Variants in MCFD2 observed in about 807,000 individuals in gnomAD.
MCFD2 encodes multiple coagulation factor deficiency protein 2.
Under a neutral mutation model 12.8 loss-of-function variants are expected in MCFD2, and 11 were observed. That is an observed-to-expected ratio of 0.86 (90% CI 0.54 to 1.42). The LOEUF is 1.42. MCFD2 is among the 40% of genes most tolerant of loss of function. The pLI is 0.00. For missense variants in MCFD2, 191 were observed against 178.6 expected (o/e 1.07, Z -0.40); for synonymous variants, 70 against 68.1 (o/e 1.03, Z -0.14).
At chr2:46,928,800 A>G (rs1414383907) in intron 1 of MCFD2, among the ~76,000 whole-genome samples, 2 of 152,038 alleles carry the variant, frequency 1.3e-5, no homozygotes, top group Non-Finnish European at 2.9e-5. Context: ...TTGAAATCAT[A>G]TAAAGTTTAC....
intron 1 of MCFD2, among the ~76,000 whole-genome samples, chr2:46,939,464 A>C (rs1670149240): frequency 6.6e-6 from 1 of 152,150 alleles, no homozygotes; most frequent in African/African-American, 2.4e-5. Context: ...TGAGCCATGA[A>C]GACTGTTCCT....
At chr2:46,938,271 G>A (rs1670078259) in intron 1 of MCFD2, among the ~76,000 whole-genome samples, 1 of 152,088 alleles carries the variant, frequency 6.6e-6, no homozygotes, top group Non-Finnish European at 1.5e-5. Flanking sequence ...AAACGTAAAG[G>A]ACAACCTTAC....
chr2:46,941,825 C>A lies in MCFD2; in HGVS notation c.-261G>T, dbSNP rs1670429216. 1.4e-6 allele frequency: 2 copies of A among 1,448,822 alleles called. No individual in the cohort carries two copies. Among genetic ancestry groups the A allele is most frequent in the South Asian group, 2.6e-5 (2 of 77,866 alleles). 89.7% of individuals were successfully genotyped at this position (1,448,822 alleles called of 1,614,324 possible). On this transcript the variant is annotated 5_prime_UTR_variant, in exon 1 of 3. Transcript: ENST00000409147. This position sits in a 1 kb window ranked among gnomAD's most constrained non-coding sequence, Gnocchi z 4.2. ...GACAGTCCTCGGCCGACAGCGGGCG[C>A]CTGCCAGCCCACCGTGCTAGTCTTA...
intron 1 of MCFD2, among the ~76,000 whole-genome samples, chr2:46,936,051 A>G (rs527429099): frequency 4.6e-5 from 7 of 152,208 alleles, no homozygotes; most frequent in African/African-American, 1.7e-4. Context: ...TGATTGCACC[A>G]TAGCACTCCA....
intron 1 of MCFD2, among the ~76,000 whole-genome samples, chr2:46,911,035 AGGAAGAAACTTCCAG>A (rs1668465138): frequency 2.0e-5 from 3 of 152,242 alleles, no homozygotes; most frequent in Admixed American, 6.5e-5. Context: ...CACCAAAAAA[AGGAAGAAACTTCCAG>A]GGTGCTAAAA....
intron 1 of MCFD2, among the ~76,000 whole-genome samples, chr2:46,909,987 C>T (rs7598709): frequency 2.6e-4 from 39 of 152,216 alleles, no homozygotes; most frequent in African/African-American, 9.4e-4. Context: ...GCATGGTAGC[C>T]AAGGGAGTGG....
upstream of MCFD2, chr2:46,915,807 C>CGGGGGG: frequency 2.4e-5 from 2 of 84,828 alleles, no homozygotes; most frequent in Non-Finnish European, 2.9e-5. Flanking sequence ...CTCGGCTTCG[C>CGGGGGG]CCCGCCCCCC....
intron 1 of MCFD2, among the ~76,000 whole-genome samples, chr2:46,923,731 A>G (rs1249051318): frequency 6.6e-6 from 1 of 151,772 alleles, no homozygotes; most frequent in Non-Finnish European, 1.5e-5. Flanking sequence ...GTCTCTATAG[A>G]AAAACTTTTT....
chr2:46,941,647 C>T lies in MCFD2; in HGVS notation c.-83G>A. ...CCGCATGCCGGAGCTGGTCCGGCAG[C>T]TGCAGACGCTGAGCATGCCCGGCGG... is the stretch of plus-strand genomic sequence containing the variant. On this transcript the variant is annotated 5_prime_UTR_variant, in exon 1 of 3. Transcript: ENST00000409147. This position sits in a 1 kb window ranked among gnomAD's most constrained non-coding sequence, Gnocchi z 4.2. 2 of 1,552,626 alleles carry T rather than the reference C, an allele frequency of 1.3e-6. No homozygotes were observed. The highest frequency in any genetic ancestry group is 1.7e-6 in the Non-Finnish European group (2 of 1,148,402).
chr2:46,915,673 G>A (rs1668715156), intron 1 of MCFD2, 50 bp downstream of exon 1: 11 of 737,060 alleles, frequency 1.5e-5, no homozygotes, highest in Middle Eastern at 6.9e-4. Context: ...CAGCCCACAG[G>A]AGAGGCGCCG....
chr2:46,938,267 A>G (rs1484446301), intron 1 of MCFD2, among the ~76,000 whole-genome samples: 1 of 152,252 alleles, frequency 6.6e-6, no homozygotes, highest in Non-Finnish European at 1.5e-5. Flanking sequence ...TCTAAAACGT[A>G]AAGGACAACC....
At chr2:46,923,257 T>A (rs1484037332) in intron 1 of MCFD2, among the ~76,000 whole-genome samples, 1 of 152,218 alleles carries the variant, frequency 6.6e-6, no homozygotes, top group Admixed American at 6.5e-5. Flanking sequence ...GGTGATCAAC[T>A]TAACCTTCAG....
intron 1 of MCFD2, among the ~76,000 whole-genome samples, chr2:46,914,288 T>G (rs1668605320): frequency 1.3e-5 from 2 of 152,188 alleles, no homozygotes; most frequent in Non-Finnish European, 2.9e-5. Flanking sequence ...CAGCAGCTAG[T>G]AGCAGCTTCT....
At chr2:46,913,018 G>A (rs1189723122) in intron 1 of MCFD2, among the ~76,000 whole-genome samples, 7 of 152,098 alleles carry the variant, frequency 4.6e-5, no homozygotes, top group Non-Finnish European at 8.8e-5. Flanking sequence ...TGTGTGTGTT[G>A]GGGGTGGGGG....
chr2:46,911,658 G>A (rs567978888), intron 1 of MCFD2, among the ~76,000 whole-genome samples: 7 of 151,722 alleles, frequency 4.6e-5, no homozygotes, highest in Non-Finnish European at 1.0e-4. Flanking sequence ...ATGGTGGCTC[G>A]TGCCTGTAAT....
chr2:46,921,620 T>TATC (rs1156386689), intron 1 of MCFD2, among the ~76,000 whole-genome samples: 1 of 152,312 alleles, frequency 6.6e-6, no homozygotes, highest in East Asian at 1.9e-4. Context: ...CATTAAACTC[T>TATC]ATCAACAAAA....
At chr2:46,910,394 C>G (rs1668434920) in intron 1 of MCFD2, among the ~76,000 whole-genome samples, 1 of 152,172 alleles carries the variant, frequency 6.6e-6, no homozygotes, top group South Asian at 2.1e-4. Flanking sequence ...TCCCAACAGG[C>G]AAAACAGATT....
intron 1 of MCFD2, 81 bp downstream of exon 1, chr2:46,915,642 C>A: frequency 4.4e-6 from 2 of 457,706 alleles, no homozygotes; most frequent in Non-Finnish European, 5.8e-6. Flanking sequence ...ACTCCTGCCT[C>A]TCATCTTGAG....
chr2:46,927,038 G>C (rs1023262992), intron 1 of MCFD2, among the ~76,000 whole-genome samples: 6 of 152,126 alleles, frequency 3.9e-5, no homozygotes, highest in Non-Finnish European at 8.8e-5. Context: ...AAATATGCCA[G>C]AGGAAACTAT....
Sources: allele counts gnomAD v4.1 joint callset (sites outside exome capture counted in the v4.1 genomes callset), GRCh38; gene constraint gnomAD v4.1.1; non-coding constraint Gnocchi (gnomAD v3.1); transcripts MANE v1.5; gene names NCBI Gene and HGNC (gene_info 2026-07-23, HGNC 2026-07-21).